Variants in OR5A1 observed in about 807,000 individuals in gnomAD.
OR5A1 encodes olfactory receptor family 5 subfamily A member 1.
OR5A1 carries 6 observed loss-of-function variants against 6.7 expected under a neutral mutation model. That is an observed-to-expected ratio of 0.89 (90% confidence interval 0.49 to 1.76). OR5A1 has a LOEUF of 1.76. Among genes scored for constraint, OR5A1 ranks in the 40% most tolerant of loss-of-function variants. The pLI is 0.01. For missense variants in OR5A1, 378 were observed against 381.7 expected (o/e 0.99, Z 0.08); for synonymous variants, 170 against 155.0 (o/e 1.10, Z -0.72).
rs1858540675 is a variant in OR5A1 at position 59,445,741 on chromosome 11, T to A, written c.*1625T>A. 2 of 152,214 alleles carry A rather than the reference T, an allele frequency of 1.3e-5. No individual in the cohort carries two copies. Among genetic ancestry groups the A allele is most frequent in the African/African-American group, 4.8e-5 (2 of 41,464 alleles). The allele number at this position is 152,214 out of a possible 1,614,324, so 9.4% of individuals were successfully genotyped here. On this transcript the variant is annotated 3_prime_UTR_variant, in exon 2 of 2. Transcript: ENST00000641045. ...ATGGTATCTCATTGTGATTTTTTATTTGCATTTCTCTAATAATTAGTGATG... is the reference window on the plus strand; with the variant it reads ...ATGGTATCTCATTGTGATTTTTTATATGCATTTCTCTAATAATTAGTGATG...
At chr11:59,442,407 A>G (rs958446991) in intron 1 of OR5A1, among the ~76,000 whole-genome samples, 2 of 152,134 alleles carry the variant, frequency 1.3e-5, no homozygotes, top group Admixed American at 6.5e-5. Context: ...CTGCCATTGC[A>G]CTCTAGCCTG....
chr11:59,441,556 C>T (rs1858480375), intron 1 of OR5A1, among the ~76,000 whole-genome samples: 1 of 152,166 alleles, frequency 6.6e-6, no homozygotes. Flanking sequence ...CCACATGGCC[C>T]TCTGACCACA....
intron 1 of OR5A1, among the ~76,000 whole-genome samples, chr11:59,439,068 A>C (rs1353223681): frequency 6.6e-6 from 1 of 151,792 alleles, no homozygotes; most frequent in Non-Finnish European, 1.5e-5. Context: ...AACACCTCCA[A>C]CTCCACAATT....
rs199856591 is a variant in OR5A1, at chr11:59,443,958, C to T, written c.790C>T (p.Arg264Ter). 53 of 1,613,904 alleles carry T rather than the reference C, an allele frequency of 3.3e-5. No homozygotes were observed. Among genetic ancestry groups the T allele is most frequent in the Admixed American group, 5.0e-5 (3 of 59,990 alleles). ...LFGTALFVYL[R>*]PSSSYLLGRD... ...TGGGACAGCCCTTTTCGTGTACTTG[C>T]GACCCAGCTCCAGCTACTTGCTAGG... Residue 264 changes from arginine to a stop codon, truncating the protein, a stop_gained, in exon 2 of 2, where the codon CGA becomes TGA. Transcript: ENST00000641045. LOFTEE classifies it high-confidence loss of function.
intron 1 of OR5A1, among the ~76,000 whole-genome samples, chr11:59,439,222 C>T (rs748130998): frequency 2.6e-5 from 4 of 152,176 alleles, no homozygotes; most frequent in African/African-American, 9.7e-5. Context: ...ATCAACTCTA[C>T]GAGTCCCCAT....
chr11:59,443,277 A>C lies in OR5A1; in HGVS notation c.109A>C (p.Ile37Leu), dbSNP rs752451013. The change falls in exon 2 of 2, where the codon ATC becomes CTC. Residue 37 changes from isoleucine to leucine, a missense_variant. Physicochemically the swap from Ile to Leu is conservative, Grantham distance 5. Transcript: ENST00000641045. ...CCTCCTCTTTGTGACCTTCCTGGGC[A>C]TCTATCTTACCACCCTGGCCTGGAA... Reference protein sequence around the residue: ...QALLFVTFLGIYLTTLAWNLA... With the variant: ...QALLFVTFLGLYLTTLAWNLA... The C allele has an allele frequency of 6.2e-7, 1 of 1,613,876 alleles. No individual in the cohort carries two copies. Among genetic ancestry groups the C allele is most frequent in the Non-Finnish European group, 8.5e-7 (1 of 1,179,968 alleles).
intron 1 of OR5A1, among the ~76,000 whole-genome samples, chr11:59,440,292 G>A (rs752385293): frequency 1.3e-5 from 2 of 151,888 alleles, no homozygotes; most frequent in South Asian, 2.1e-4. Flanking sequence ...GGTTGGTCTC[G>A]AGCTCCTGGC....
At position 59,438,188 on chromosome 11, in the gene OR5A1, T is replaced by C. The variant is rs183540150; in HGVS notation, c.-34+1353T>C. On this transcript the variant is annotated intron_variant, in intron 1 of 1. Coordinates refer to ENST00000641045, the MANE Select transcript of OR5A1 (RefSeq NM_001004728.2). ...CGAACTGTGAGCCAATTAAACCTCT[T>C]TTCTTTATAAATTATCCAGCCTCAG... 9.9e-5 allele frequency among the ~76,000 whole-genome samples: 15 copies of C among 152,274 alleles called. No homozygotes were observed. In the East Asian group the frequency reaches 2.5e-3, roughly 25 times the overall value.
At chr11:59,437,982 A>G (rs1396570035) in intron 1 of OR5A1, among the ~76,000 whole-genome samples, 1 of 152,256 alleles carries the variant, frequency 6.6e-6, no homozygotes, top group African/African-American at 2.4e-5. Flanking sequence ...CTTGGTGATT[A>G]GTGAATTCAG....
intron 1 of OR5A1, among the ~76,000 whole-genome samples, chr11:59,442,461 A>AGAAATAAATAAATAAAT (rs1858491824): frequency 6.6e-6 from 1 of 152,132 alleles, no homozygotes; most frequent in Non-Finnish European, 1.5e-5. Flanking sequence ...ATAAAAAATA[A>AGAAATAAATAAATAAAT]GAAATAAATA....
Position 59,444,326 on chromosome 11 carries a change from A to G in OR5A1, c.*210A>G. On this transcript the variant is annotated 3_prime_UTR_variant, in exon 2 of 2. Coordinates refer to ENST00000641045, the MANE Select transcript of OR5A1 (RefSeq NM_001004728.2). ...AGGGAAGGAATTTCTTCAGAAAAAAAAAAAAAAAAAAAAGAACCTCCCCAG... is the reference window on the plus strand; with the variant it reads ...AGGGAAGGAATTTCTTCAGAAAAAAGAAAAAAAAAAAAAGAACCTCCCCAG... 2.8e-6 allele frequency: 1 copy of G among 357,674 alleles called. No homozygotes were observed. The allele number at this position is 357,674 out of a possible 1,614,324, so 22.2% of individuals were successfully genotyped here. A position where few individuals can be genotyped will look rare whatever the true frequency, so the allele number is the denominator to read the frequency against.
intron 1 of OR5A1, among the ~76,000 whole-genome samples, chr11:59,442,537 A>G (rs996253088): frequency 2.0e-5 from 3 of 152,226 alleles, no homozygotes; most frequent in African/African-American, 7.2e-5. Flanking sequence ...CTACATTAGT[A>G]TATTTGGACC....
At position 59,446,927 on chromosome 11, in the gene OR5A1, C is replaced by A. The variant is rs531753807; in HGVS notation, c.*2811C>A. ...ATGCATAGGAAAGCAGAGATCCCTT[C>A]TCAGGTTTCCTGGGTTCTTCATCCT... On this transcript the variant is annotated 3_prime_UTR_variant, in exon 2 of 2. Coordinates refer to ENST00000641045, the MANE Select transcript of OR5A1 (RefSeq NM_001004728.2). 2.0e-5 allele frequency: 3 copies of A among 152,354 alleles called. No individual in the cohort carries two copies. Among genetic ancestry groups the A allele is most frequent in the African/African-American group, 7.2e-5 (3 of 41,584 alleles). 9.4% of individuals were successfully genotyped at this position (152,354 alleles called of 1,614,324 possible).
chr11:59,444,055 G>A lies in OR5A1; in HGVS notation c.887G>A (p.Arg296Lys). 6.2e-7 allele frequency: 1 copy of A among 1,614,076 alleles called. No individual in the cohort carries two copies. Among genetic ancestry groups the A allele is most frequent in the South Asian group, 1.1e-5 (1 of 91,082 alleles). ...PMLNPLIYSLRNKEIKDALWK... is the reference protein window; with the variant it reads ...PMLNPLIYSLKNKEIKDALWK... ...CTGAACCCTCTCATTTACAGTTTGA[G>A]GAACAAAGAGATCAAGGATGCCCTG... The change falls in exon 2 of 2, where the codon AGG (arginine) becomes AAG (lysine). Residue 296 changes from arginine (R) to lysine (K), a missense_variant. Arg to Lys is a conservative substitution (Grantham distance 26). Coordinates refer to ENST00000641045, the MANE Select transcript of OR5A1 (RefSeq NM_001004728.2).
In OR5A1 at chr11:59,443,633, C is replaced by T. The variant is rs147908728; in HGVS notation, c.465C>T (p.Gly155=). 9.9e-6 allele frequency: 16 copies of T among 1,613,942 alleles called. No individual in the cohort carries two copies. The highest frequency in any genetic ancestry group is 1.4e-5 in the Non-Finnish European group (16 of 1,180,026). The part of the protein sequence containing the change: ...TRMVVGAYVG[G]FLSSLIQASS... ...TGGTGGTTGGGGCATATGTTGGTGG[C>T]TTCCTGAGCTCCCTGATCCAGGCCA... Residue 155 remains glycine, a synonymous_variant, in exon 2 of 2, where the codon GGC becomes GGT. Coordinates refer to ENST00000641045, the MANE Select transcript of OR5A1 (RefSeq NM_001004728.2).
chr11:59,450,683 A>T lies in OR5A1; in HGVS notation c.*6567A>T, dbSNP rs188896977. 330 of 152,324 alleles carry T rather than the reference A, an allele frequency of 2.2e-3. No homozygotes were observed. The highest frequency in any genetic ancestry group is 7.6e-3 in the African/African-American group (315 of 41,568). 9.4% of individuals were successfully genotyped at this position (152,324 alleles called of 1,614,324 possible). On this transcript the variant is annotated 3_prime_UTR_variant, in exon 2 of 2. Coordinates refer to ENST00000641045, the MANE Select transcript of OR5A1 (RefSeq NM_001004728.2). ...AATGCCAAAATCCAATTACCAACAGATAATGGCTACTACTGTTGTGATATA... is the reference window on the plus strand; with the variant it reads ...AATGCCAAAATCCAATTACCAACAGTTAATGGCTACTACTGTTGTGATATA...
rs776531501 is a variant in OR5A1 at position 59,448,826 on chromosome 11, AT to A, written c.*4712del. On this transcript the variant is annotated 3_prime_UTR_variant, in exon 2 of 2. Coordinates refer to ENST00000641045, the MANE Select transcript of OR5A1 (RefSeq NM_001004728.2). ...TAATTGATCTGTTGGAAAAAAATCA[AT>A]TATGTGACCCAAATTGTGACCATTG... is the stretch of plus-strand genomic sequence containing the variant. 1 of 152,206 alleles carries A rather than the reference AT, an allele frequency of 6.6e-6. No individual in the cohort carries two copies. The highest frequency in any genetic ancestry group is 1.5e-5 in the Non-Finnish European group (1 of 68,034). 9.4% of individuals were successfully genotyped at this position (152,206 alleles called of 1,614,324 possible). A position where few individuals can be genotyped will look rare whatever the true frequency, so the allele number is the denominator to read the frequency against.
Position 59,443,873 on chromosome 11 carries a change from G to A in OR5A1, c.705G>A (p.Glu235=). ...VSAVLKIPSA[E]GRWKACNTCA... ...CGGTCCTGAAGATCCCTTCAGCAGA[G>A]GGCCGATGGAAAGCCTGCAACACGT... The change falls in exon 2 of 2, where the codon GAG becomes GAA. Residue 235 remains glutamate, a synonymous_variant. Coordinates refer to ENST00000641045, the MANE Select transcript of OR5A1 (RefSeq NM_001004728.2). 6.2e-7 allele frequency: 1 copy of A among 1,614,084 alleles called. No individual in the cohort carries two copies.
intron 1 of OR5A1, among the ~76,000 whole-genome samples, chr11:59,439,827 G>T (rs61901593): frequency 0.19 from 28,369 of 151,996 alleles, 3,436 homozygotes; most frequent in Non-Finnish European, 0.27. Flanking sequence ...TTACAAATCT[G>T]CATGGTCCAT....
Sources: allele counts gnomAD v4.1 joint callset (sites outside exome capture counted in the v4.1 genomes callset), GRCh38; gene constraint gnomAD v4.1.1; transcripts MANE v1.5; gene names NCBI Gene and HGNC (gene_info 2026-07-23, HGNC 2026-07-21).